Variants in USP35 observed in about 807,000 individuals in gnomAD.
USP35 encodes the protein ubiquitin specific peptidase 35.
In USP35, 69 loss-of-function variants were observed where a neutral mutation model predicts 83.8. The observed-to-expected ratio is 0.82, with a 90% CI of 0.68 to 1.01. USP35 has a LOEUF of 1.01. Among genes scored for constraint, USP35 ranks in the 50% least tolerant of loss-of-function variants. The pLI is 0.00. For missense variants in USP35, 1,503 were observed against 1,362.5 expected (o/e 1.10, Z -1.62); for synonymous variants, 714 against 589.5 (o/e 1.21, Z -3.06).
the USP35 span, among the ~76,000 whole-genome samples, chr11:78,237,210 T>G: frequency 6.6e-6 from 1 of 152,214 alleles, no homozygotes; most frequent in African/African-American, 2.4e-5. Flanking sequence ...AAAACAAATG[T>G]TTCTACAAAG....
intron 1 of USP35, among the ~76,000 whole-genome samples, chr11:78,194,648 G>C (rs1268851956): frequency 6.6e-6 from 1 of 152,162 alleles, no homozygotes; most frequent in Non-Finnish European, 1.5e-5. Context: ...GGTTGGTGTG[G>C]GACAAAGTCT....
intron 8 of USP35, 27 bp downstream of exon 8, chr11:78,207,650 G>T: frequency 6.2e-7 from 1 of 1,608,218 alleles, no homozygotes; most frequent in Non-Finnish European, 8.5e-7. Flanking sequence ...TCAGAGGGGG[G>T]TGGAGAGGCA....
Position 78,205,913 on chromosome 11 carries a change from C to T in USP35, c.1269C>T (p.Ser423=), listed in dbSNP as rs761408973. 15 of 1,614,134 alleles carry T rather than the reference C, an allele frequency of 9.3e-6. No homozygotes were observed. The highest frequency in any genetic ancestry group is 1.7e-5 in the Admixed American group (1 of 60,016). ...AGGATGCCTGGACTTCGCAGAAGAG[C>T]GAGCTGGCGGGTTTCTATCCCCGGC... ...LGQDAWTSQK[S]ELAGFYPRLM... Residue 423 remains serine, a synonymous_variant, in exon 7 of 11, where the codon AGC becomes AGT. Coordinates refer to ENST00000529308, the MANE Select transcript of USP35 (RefSeq NM_020798.4).
In USP35 at chr11:78,196,893, G is replaced by A; in HGVS notation, c.648G>A (p.Glu216=). The A allele has an allele frequency of 3.4e-6, 5 of 1,471,876 alleles. No individual in the cohort carries two copies. The highest frequency in any genetic ancestry group is 4.5e-6 in the Non-Finnish European group (5 of 1,114,962). The allele number at this position is 1,471,876 out of a possible 1,614,324, so 91.2% of individuals were successfully genotyped here. ...QPAAILPCLK[E]LFAVISCAEE... ...CCGCCATCCTGCCCTGCCTCAAAGA[G>A]CTGTTCGCAGTCATCTCCTGCGCAG... The change falls in exon 2 of 11, where the codon GAG becomes GAA. Residue 216 remains glutamate (E), a synonymous_variant. Coordinates refer to ENST00000529308, the MANE Select transcript of USP35 (RefSeq NM_020798.4). The surrounding 1 kb of genome is among the most constrained non-coding windows in gnomAD (Gnocchi z 4.8).
At chr11:78,222,288 G>T in the USP35 span, 1 of 808,906 alleles carries the variant, frequency 1.2e-6, no homozygotes, top group Non-Finnish European at 2.1e-6. Context: ...GTTTATAAAG[G>T]CCTGCAAAGT....
downstream of USP35, chr11:78,216,425 G>A (rs1020474002): frequency 2.0e-5 from 3 of 152,216 alleles, no homozygotes; most frequent in African/African-American, 7.2e-5. Context: ...CTCCTTTGTT[G>A]GAGGAGGTAG....
chr11:78,236,347 C>T, the USP35 span, among the ~76,000 whole-genome samples: 6 of 152,284 alleles, frequency 3.9e-5, no homozygotes, highest in South Asian at 1.2e-3. Flanking sequence ...CACAGGGTTT[C>T]GCCATGTTGC....
At chr11:78,229,031 G>A in the USP35 span, among the ~76,000 whole-genome samples, 4 of 152,190 alleles carry the variant, frequency 2.6e-5, no homozygotes, top group African/African-American at 9.7e-5. Context: ...CCTGCCCAGT[G>A]AGGGGTGGTC....
intron 3 of USP35, chr11:78,199,018 C>CT (rs896870801): frequency 1.3e-5 from 2 of 155,866 alleles, no homozygotes; most frequent in African/African-American, 4.8e-5. Flanking sequence ...TGCATGGCAG[C>CT]TGTGTGCTCA....
intron 1 of USP35, among the ~76,000 whole-genome samples, chr11:78,192,288 A>C (rs928939232): frequency 6.6e-6 from 1 of 152,204 alleles, no homozygotes; most frequent in East Asian, 1.9e-4. Context: ...AGTCAGAGCC[A>C]GCATGGACAG....
the USP35 span, chr11:78,226,665 T>G: frequency 6.2e-7 from 1 of 1,613,936 alleles, no homozygotes; most frequent in Non-Finnish European, 8.5e-7. Flanking sequence ...CATGGCATTG[T>G]GGTTTTTGTC....
At chr11:78,218,526 G>A (rs549107853), downstream of USP35, 2 of 153,210 alleles carry the variant, frequency 1.3e-5, no homozygotes, top group South Asian at 2.1e-4. Flanking sequence ...CGAGCTCCAA[G>A]CCCTGCTCCT....
chr11:78,215,698 T>C (rs1456115751), downstream of USP35: 1 of 152,310 alleles, frequency 6.6e-6, no homozygotes, highest in South Asian at 2.1e-4. Flanking sequence ...CTGGATCTCT[T>C]GGGGACCCCC....
In USP35 at chr11:78,214,234, A is replaced by AGAGAGGCGGGGGGGGGGG. The variant is rs1275222810; in HGVS notation, c.*422_*423insAGAGGCGGGGGGGGGGGG. On this transcript the variant is annotated 3_prime_UTR_variant, in exon 11 of 11. Coordinates refer to ENST00000529308, the MANE Select transcript of USP35 (RefSeq NM_020798.4). ...ACAGCAGGATCCAAGCCTTGCACAA[A>AGAGAGGCGGGGGGGGGGG]GGGGTGGGGGGGGCAGTGTCTCCTC... The AGAGAGGCGGGGGGGGGGG allele has an allele frequency of 6.2e-5, 6 of 96,198 alleles. No homozygotes were observed. The highest frequency in any genetic ancestry group is 2.5e-4 in the Admixed American group (2 of 8,152). The allele number at this position is 96,198 out of a possible 1,614,324, so 6.0% of individuals were successfully genotyped here. A position where few individuals can be genotyped will look rare whatever the true frequency, so the allele number is the denominator to read the frequency against.
intron 6 of USP35, among the ~76,000 whole-genome samples, chr11:78,202,164 C>CAGA (rs570907021): frequency 3.3e-5 from 5 of 152,334 alleles, no homozygotes; most frequent in African/African-American, 1.2e-4. Flanking sequence ...TGGCCAATCT[C>CAGA]AGTCACAAAG....
In USP35 at chr11:78,213,699, A is replaced by G. The variant is rs1863912909; in HGVS notation, c.2943A>G (p.Thr981=). ...SRAAYISALP[T]SPHWGRGFDE... ...CGGCCTACATCTCTGCACTCCCCACATCTCCGCACTGGGGGAGGGGCTTTG... is the reference window on the plus strand; with the variant it reads ...CGGCCTACATCTCTGCACTCCCCACGTCTCCGCACTGGGGGAGGGGCTTTG... Residue 981 remains threonine (T), a synonymous_variant, in exon 11 of 11, where the codon ACA becomes ACG. Transcript: ENST00000529308. 2 of 1,528,244 alleles carry G rather than the reference A, an allele frequency of 1.3e-6. No individual in the cohort carries two copies. Among genetic ancestry groups the G allele is most frequent in the African/African-American group, 1.4e-5 (1 of 69,074 alleles). 94.7% of individuals were successfully genotyped at this position (1,528,244 alleles called of 1,614,324 possible). A position where few individuals can be genotyped will look rare whatever the true frequency, so the allele number is the denominator to read the frequency against.
rs542143860 is a variant in USP35, at chr11:78,209,619, C to T, written c.1764C>T (p.Ser588=). The T allele has an allele frequency of 3.4e-5, 55 of 1,614,146 alleles. No individual in the cohort carries two copies. Among genetic ancestry groups the T allele is most frequent in the South Asian group, 2.9e-4 (26 of 91,082 alleles). ...GTCTCTGCTGCCTCAACGTCTCCTC[C>T]CGGGAGGAGGCCTTCACGGACCTCT... The part of the protein sequence containing the change: ...ICCLCCLNVS[S]REEAFTDLSL... Residue 588 remains serine, a synonymous_variant, in exon 10 of 11, where the codon TCC becomes TCT. Coordinates refer to ENST00000529308, the MANE Select transcript of USP35 (RefSeq NM_020798.4).
downstream of USP35, chr11:78,219,052 A>G: frequency 1.8e-6 from 1 of 540,932 alleles, no homozygotes; most frequent in South Asian, 2.7e-5. Flanking sequence ...ATTACTGATA[A>G]AAATCACAGC....
downstream of USP35, chr11:78,215,629 T>G (rs1356066868): frequency 1.3e-5 from 2 of 152,250 alleles, no homozygotes; most frequent in Admixed American, 6.5e-5. Context: ...AATTCTAGAT[T>G]TCAAGACACA....
Sources: allele counts gnomAD v4.1 joint callset (sites outside exome capture counted in the v4.1 genomes callset), GRCh38; gene constraint gnomAD v4.1.1; non-coding constraint Gnocchi (gnomAD v3.1); transcripts MANE v1.5; gene names NCBI Gene and HGNC (gene_info 2026-07-23, HGNC 2026-07-21).